Variants in NOS1 observed in about 807,000 individuals in gnomAD.
NOS1 encodes the protein NOS type I.
In NOS1, 51 loss-of-function variants were observed where a neutral mutation model predicts 164.5. The ratio of observed to expected loss-of-function variants is 0.31; its 90% CI spans 0.25 to 0.39. NOS1 has a LOEUF of 0.39. Among genes scored for constraint, NOS1 ranks in the 10% least tolerant of loss-of-function variants. The pLI, the probability that NOS1 is intolerant of heterozygous loss-of-function variation, is 1.00. For missense variants in NOS1, 1,362 were observed against 1,885.6 expected (o/e 0.72, Z 5.14); for synonymous variants, 719 against 745.8 (o/e 0.96, Z 0.59).
intron 1 of NOS1, among the ~76,000 whole-genome samples, chr12:117,333,151 C>G (rs1023789924): frequency 6.6e-6 from 1 of 152,128 alleles, no homozygotes; most frequent in Non-Finnish European, 1.5e-5. Flanking sequence ...AGTAGCCGCC[C>G]GTCCCTACTT....
intron 1 of NOS1, among the ~76,000 whole-genome samples, chr12:117,334,802 AGGT>A (rs1467414862): frequency 7.9e-5 from 12 of 152,172 alleles, no homozygotes; most frequent in Non-Finnish European, 7.3e-5. Context: ...GACCAACATC[AGGT>A]TCGGCTGTCC....
rs193098409 is a variant in NOS1 at position 117,267,295 on chromosome 12, A to G, written c.1941+748T>C. ...TACTAGTGTCGCCCTCTGGCTCTCA[A>G]AAGTGTTGTGGTGGCCAGGCGTGAT... is the stretch of plus-strand genomic sequence containing the variant. On this transcript the variant is annotated intron_variant, in intron 11 of 28. Transcript: ENST00000317775. Among the ~76,000 whole-genome samples the G allele has an allele frequency of 1.8e-4, 27 of 152,318 alleles. No homozygotes were observed. The East Asian group carries it at 4.8e-3, about 27-fold the overall frequency.
At chr12:117,223,240 G>A (rs369504437) in intron 25 of NOS1, among the ~76,000 whole-genome samples, 15 of 151,732 alleles carry the variant, frequency 9.9e-5, no homozygotes, top group African/African-American at 3.4e-4. Context: ...TGAAATCTCA[G>A]CTCTGTGATG....
intron 14 of NOS1, among the ~76,000 whole-genome samples, chr12:117,260,040 A>T (rs1184512585): frequency 6.6e-6 from 1 of 150,682 alleles, no homozygotes; most frequent in Non-Finnish European, 1.5e-5. Context: ...AATGGCGTGA[A>T]CCCGGGAGGT....
chr12:117,232,214 A>ACCT, intron 21 of NOS1, 83 bp from the exon 22 acceptor site: 1 of 1,327,310 alleles, frequency 7.5e-7, no homozygotes, highest in Non-Finnish European at 1.1e-6. Flanking sequence ...CCTGGAGCAG[A>ACCT]GGATGGGGCC....
intron 8 of NOS1, among the ~76,000 whole-genome samples, chr12:117,279,396 A>C (rs1873450521): frequency 6.6e-6 from 1 of 152,010 alleles, no homozygotes; most frequent in African/African-American, 2.4e-5. Context: ...CAAAAAAAAC[A>C]AACCAAGATC....
intron 2 of NOS1, among the ~76,000 whole-genome samples, chr12:117,327,647 G>A (rs1875320415): frequency 6.6e-6 from 1 of 152,212 alleles, no homozygotes; most frequent in African/African-American, 2.4e-5. Context: ...ATGCCACAGA[G>A]TTCCCCACGC....
At chr12:117,221,309 C>T (rs1446652275) in intron 26 of NOS1, among the ~76,000 whole-genome samples, 1 of 151,118 alleles carries the variant, frequency 6.6e-6, no homozygotes, top group East Asian at 1.9e-4. Context: ...CATGCATCAC[C>T]ACACCTGGCT....
chr12:117,319,320 G>C (rs920065627), intron 2 of NOS1, among the ~76,000 whole-genome samples: 4 of 152,218 alleles, frequency 2.6e-5, no homozygotes, highest in African/African-American at 9.6e-5. Flanking sequence ...CCCAGTGCTG[G>C]GATTACAGGC....
chr12:117,331,869 T>C (rs973472812), intron 1 of NOS1, among the ~76,000 whole-genome samples: 2 of 152,228 alleles, frequency 1.3e-5, no homozygotes, highest in African/African-American at 2.4e-5. Context: ...CTGTGTCTTG[T>C]ATACATTTTC....
chr12:117,300,432 G>A (rs11612772), intron 3 of NOS1, among the ~76,000 whole-genome samples: 96 of 152,098 alleles, frequency 6.3e-4, no homozygotes, highest in African/African-American at 2.3e-3. Context: ...GTCAATTCAC[G>A]CACCACTTCC....
intron 2 of NOS1, among the ~76,000 whole-genome samples, chr12:117,320,178 T>C (rs937086582): frequency 2.0e-5 from 3 of 152,196 alleles, no homozygotes; most frequent in African/African-American, 4.8e-5. Flanking sequence ...TCTCAGGTCC[T>C]AAACCCTTGA....
In NOS1 at chr12:117,232,014, G is replaced by C. The variant is rs1869279459; in HGVS notation, c.3353C>G (p.Ala1118Gly). Residue 1118 changes from alanine (A) to glycine (G), a missense_variant, in exon 22 of 29, where the codon GCC becomes GGC. Coordinates refer to ENST00000317775, the MANE Select transcript of NOS1 (RefSeq NM_000620.5). ...CTCCTTCTCGCTGGTAGCTAGGGAG[G>C]CAAACTGCTGCAGCTGCAGAGGCGT... ...PPTPLQLQQFASLATSEKEKQ... is the reference protein window; with the variant it reads ...PPTPLQLQQFGSLATSEKEKQ... The C allele has an allele frequency of 6.2e-7, 1 of 1,612,760 alleles. No homozygotes were observed. Among genetic ancestry groups the C allele is most frequent in the Non-Finnish European group, 8.5e-7 (1 of 1,179,950 alleles).
chr12:117,256,576 C>G (rs1871475311), intron 16 of NOS1, among the ~76,000 whole-genome samples: 1 of 151,516 alleles, frequency 6.6e-6, no homozygotes, highest in Admixed American at 6.6e-5. Context: ...CTGTGTCTGG[C>G]CTCAGAAGGG....
intron 21 of NOS1, 116 bp from the exon 22 acceptor site, chr12:117,232,247 G>A (rs1869302065): frequency 6.9e-6 from 6 of 870,440 alleles, no homozygotes; most frequent in Non-Finnish European, 1.1e-5. Context: ...TGGCTCCAGA[G>A]CCAAGCAACC....
chr12:117,225,488 G>A (rs1193936033), intron 24 of NOS1, among the ~76,000 whole-genome samples: 3 of 152,082 alleles, frequency 2.0e-5, no homozygotes, highest in Non-Finnish European at 4.4e-5. Flanking sequence ...CAACATCCCC[G>A]GCTTCCACCC....
Position 117,260,133 on chromosome 12 carries a change from AC to A in NOS1, c.2367+331del, listed in dbSNP as rs559524421. Among the ~76,000 whole-genome samples the A allele has an allele frequency of 1.4e-3, 187 of 136,630 alleles. 1 individual carries two copies. Among genetic ancestry groups the A allele is most frequent in the African/African-American group, 5.0e-3 (154 of 30,850 alleles). 89.6% of individuals were successfully genotyped at this position (136,630 alleles called of 152,430 possible). ...AACTCCTTCTCAAAAAAAAAAAAAAACAAAAAACAAAAAAACAAAAAAACAA... is the reference window on the plus strand; with the variant it reads ...AACTCCTTCTCAAAAAAAAAAAAAAAAAAAAACAAAAAAACAAAAAAACAA... On this transcript the variant is annotated intron_variant, in intron 14 of 28. Transcript: ENST00000317775.
chr12:117,218,731 C>T (rs144930811), intron 27 of NOS1, among the ~76,000 whole-genome samples: 31 of 152,172 alleles, frequency 2.0e-4, no homozygotes, highest in South Asian at 1.2e-3. Context: ...GAACCTCCCC[C>T]GGAGTCTCAA....
At chr12:117,357,136 A>C (rs532299697) in intron 1 of NOS1, among the ~76,000 whole-genome samples, 3 of 152,366 alleles carry the variant, frequency 2.0e-5, no homozygotes, top group African/African-American at 7.2e-5. Context: ...TGGCCTGGGC[A>C]GCATGACAAA....
Sources: allele counts gnomAD v4.1 joint callset (sites outside exome capture counted in the v4.1 genomes callset), GRCh38; gene constraint gnomAD v4.1.1; transcripts MANE v1.5; gene names NCBI Gene and HGNC (gene_info 2026-07-23, HGNC 2026-07-21).